Variants in ARHGEF12 observed in about 807,000 individuals in gnomAD.
ARHGEF12 encodes the protein Rho guanine nucleotide exchange factor 12.
ARHGEF12 carries 66 observed loss-of-function variants against 211.2 expected under a neutral mutation model. The observed-to-expected ratio is 0.31, with a 90% CI of 0.26 to 0.38. ARHGEF12 has a LOEUF of 0.38. ARHGEF12 is among the 10% of genes least tolerant of loss of function. ARHGEF12 has a pLI of 1.00. For missense variants in ARHGEF12, 1,429 were observed against 1,869.5 expected, an observed-to-expected ratio of 0.76 and a Z score of 4.34; for synonymous variants, 592 against 638.4, an observed-to-expected ratio of 0.93 and a Z score of 1.09.
At chr11:120,352,392 T>A (rs768649156) in intron 1 of ARHGEF12, among the ~76,000 whole-genome samples, 1 of 152,234 alleles carries the variant, frequency 6.6e-6, no homozygotes, top group African/African-American at 2.4e-5. Context: ...TAGTAGATAA[T>A]CAGGCCTTTG....
rs1333699981 is a variant in ARHGEF12 at position 120,341,412 on chromosome 11, A to G, written c.32+4137A>G. Among the ~76,000 whole-genome samples the G allele has an allele frequency of 2.0e-5, 3 of 151,764 alleles. No homozygotes were observed. In the East Asian group the frequency reaches 5.8e-4, roughly 29 times the overall value. On this transcript the variant is annotated intron_variant, in intron 1 of 40. Coordinates refer to ENST00000397843, the MANE Select transcript of ARHGEF12 (RefSeq NM_015313.3). Reference sequence around the variant, plus strand: ...TTAACTAAGTTTGAGTTTTCAGTTTAAAAAATGAAATTTGAGGCAAACATT... The same window carrying G: ...TTAACTAAGTTTGAGTTTTCAGTTTGAAAAATGAAATTTGAGGCAAACATT...
intron 15 of ARHGEF12, among the ~76,000 whole-genome samples, chr11:120,442,461 TATAC>T (rs1225124144): frequency 1.1e-4 from 16 of 144,016 alleles, no homozygotes; most frequent in Non-Finnish European, 1.7e-4. Context: ...CACACATATA[TATAC>T]ACACACACAC....
intron 7 of ARHGEF12, 52 bp downstream of exon 7, chr11:120,424,467 AG>A: frequency 6.5e-7 from 1 of 1,540,344 alleles, no homozygotes; most frequent in Non-Finnish European, 9.0e-7. Flanking sequence ...CCTTAAAGTA[AG>A]GAGCAGCAAA....
intron 31 of ARHGEF12, 63 bp from the exon 32 acceptor site, chr11:120,474,497 A>G (rs1481134383): frequency 6.1e-6 from 7 of 1,148,494 alleles, no homozygotes; most frequent in Non-Finnish European, 9.0e-6. Context: ...ACTGTATTAT[A>G]TAGATAATCA....
At chr11:120,468,326 A>G (rs1946765556) in intron 29 of ARHGEF12, among the ~76,000 whole-genome samples, 1 of 152,242 alleles carries the variant, frequency 6.6e-6, no homozygotes, top group Admixed American at 6.5e-5. Flanking sequence ...TTACACTTTA[A>G]TATATCTGCT....
At chr11:120,417,223 G>T (rs1303362808) in intron 4 of ARHGEF12, among the ~76,000 whole-genome samples, 1 of 152,020 alleles carries the variant, frequency 6.6e-6, no homozygotes, top group Admixed American at 6.5e-5. Context: ...TCTGAAAAAA[G>T]GTCTATTTAA....
chr11:120,470,753 C>G (rs1946843578), intron 30 of ARHGEF12, among the ~76,000 whole-genome samples: 1 of 152,196 alleles, frequency 6.6e-6, no homozygotes, highest in African/African-American at 2.4e-5. Flanking sequence ...AATTAAAACT[C>G]TGTAGGTACC....
chr11:120,358,784 A>G (rs905118389), intron 1 of ARHGEF12, among the ~76,000 whole-genome samples: 1 of 152,166 alleles, frequency 6.6e-6, no homozygotes, highest in Non-Finnish European at 1.5e-5. Flanking sequence ...GCTGCCAAAC[A>G]TTTATCAACG....
Position 120,426,026 on chromosome 11 carries a change from T to G in ARHGEF12, c.406+1611T>G, listed in dbSNP as rs533292835. On this transcript the variant is annotated intron_variant, in intron 7 of 40. Transcript: ENST00000397843. ...TTTTTACTGCTATGTTAAGCAACTA[T>G]GAAATTTTTTAAACTTTTTCATCAG... Among the ~76,000 whole-genome samples the G allele has an allele frequency of 2.6e-5, 4 of 152,314 alleles. No homozygotes were observed. The East Asian group carries it at 7.7e-4, about 29-fold the overall frequency.
chr11:120,473,684 C>T (rs1946944554), intron 31 of ARHGEF12, among the ~76,000 whole-genome samples: 1 of 152,228 alleles, frequency 6.6e-6, no homozygotes, highest in Non-Finnish European at 1.5e-5. Flanking sequence ...GCATGAGCCA[C>T]TATGCCCAGC....
chr11:120,386,267 T>A (rs185039778), intron 1 of ARHGEF12, among the ~76,000 whole-genome samples: 5 of 152,270 alleles, frequency 3.3e-5, no homozygotes, highest in Admixed American at 3.3e-4. Flanking sequence ...AAAGAAGTAA[T>A]ATAAAATGCT....
At chr11:120,397,559 A>G (rs1207796658) in intron 1 of ARHGEF12, among the ~76,000 whole-genome samples, 1 of 152,232 alleles carries the variant, frequency 6.6e-6, no homozygotes, top group African/African-American at 2.4e-5. Context: ...GAACTTCTTA[A>G]TTAAATAGCC....
intron 18 of ARHGEF12, 198 bp downstream of exon 18, chr11:120,447,283 GGGT>G: frequency 2.0e-6 from 1 of 506,410 alleles, no homozygotes. Flanking sequence ...TCCTTTTTCT[GGGT>G]GGTGGTAAAT....
chr11:120,451,367 CG>C (rs1352145832), intron 21 of ARHGEF12, 144 bp from the exon 22 acceptor site: 1 of 641,850 alleles, frequency 1.6e-6, no homozygotes, highest in African/African-American at 1.8e-5. Flanking sequence ...TTAATAGAGA[CG>C]GGGTTTCACC....
Position 120,367,353 on chromosome 11 carries a change from C to CTTTTTTTTTTTTTTTTTTTTTTTTTT in ARHGEF12, c.32+30083_32+30108dup, listed in dbSNP as rs1025919456. ...AAAAAATCTGTTAGGATACTTTTTC[C>CTTTTTTTTTTTTTTTTTTTTTTTTTT]TTTTTTTTTTTTTTTTTTTTTTTTT... On this transcript the variant is annotated intron_variant, in intron 1 of 40. Transcript: ENST00000397843. 2.4e-4 allele frequency among the ~76,000 whole-genome samples: 14 copies of CTTTTTTTTTTTTTTTTTTTTTTTTTT among 59,352 alleles called. 2 individuals are homozygous for CTTTTTTTTTTTTTTTTTTTTTTTTTT. The highest frequency in any genetic ancestry group is 6.9e-4 in the African/African-American group (9 of 12,950). 38.9% of individuals were successfully genotyped at this position (59,352 alleles called of 152,430 possible). A position where few individuals can be genotyped will look rare whatever the true frequency, so the allele number is the denominator to read the frequency against.
intron 1 of ARHGEF12, among the ~76,000 whole-genome samples, chr11:120,372,522 G>C (rs956334925): frequency 3.9e-5 from 6 of 152,102 alleles, no homozygotes; most frequent in African/African-American, 1.4e-4. Context: ...GTATAATGCA[G>C]TTCTGCTCTC....
At chr11:120,426,241 T>C (rs1945343480) in intron 7 of ARHGEF12, among the ~76,000 whole-genome samples, 1 of 152,212 alleles carries the variant, frequency 6.6e-6, no homozygotes, top group South Asian at 2.1e-4. Context: ...CATTGAGGTG[T>C]ATAAAAACAT....
Position 120,442,831 on chromosome 11 carries a change from T to A in ARHGEF12, c.1302+629T>A, listed in dbSNP as rs1418794158. Among the ~76,000 whole-genome samples the A allele has an allele frequency of 5.3e-5, 8 of 152,016 alleles. No individual in the cohort carries two copies. The South Asian group carries it at 1.7e-3, about 32-fold the overall frequency. ...TTTGCAGTTCCCTTAGACGACTGCCTCATGCTTTTTCCCTCCTAAAACCTC... is the reference window on the plus strand; with the variant it reads ...TTTGCAGTTCCCTTAGACGACTGCCACATGCTTTTTCCCTCCTAAAACCTC... On this transcript the variant is annotated intron_variant, in intron 15 of 40. Coordinates refer to ENST00000397843, the MANE Select transcript of ARHGEF12 (RefSeq NM_015313.3).
At chr11:120,382,688 C>G (rs1214144484) in intron 1 of ARHGEF12, among the ~76,000 whole-genome samples, 2 of 152,218 alleles carry the variant, frequency 1.3e-5, no homozygotes, top group African/African-American at 4.8e-5. Flanking sequence ...ATTTCTCTCT[C>G]TCTCTCATTG....
Sources: allele counts gnomAD v4.1 joint callset (sites outside exome capture counted in the v4.1 genomes callset), GRCh38; gene constraint gnomAD v4.1.1; transcripts MANE v1.5; gene names NCBI Gene and HGNC (gene_info 2026-07-23, HGNC 2026-07-21).